ADCY2: variants seen among roughly 807,000 people sequenced by gnomAD.
ADCY2 encodes the protein adenylate cyclase 2, also known as adenylate cyclase type 2.
A neutral mutation model predicts 125.2 loss-of-function variants in ADCY2; 31 were observed. The observed-to-expected ratio is 0.25, with a 90% CI of 0.19 to 0.33. ADCY2 has a LOEUF of 0.33. Among genes scored for constraint, ADCY2 ranks in the 10% least tolerant of loss-of-function variants. The probability of loss-of-function intolerance (pLI) is 1.00; values close to 1 mark genes in which losing one functional copy is unlikely to be tolerated. For missense variants in ADCY2, 904 were observed against 1,418.2 expected (o/e 0.64, Z 5.82); for synonymous variants, 512 against 548.4 (o/e 0.93, Z 0.93).
chr5:7,420,014 G>A (rs530121326), intron 2 of ADCY2, among the ~76,000 whole-genome samples: 1 of 152,304 alleles, frequency 6.6e-6, no homozygotes, highest in East Asian at 1.9e-4. Context: ...CCTGAGGCTG[G>A]CTCTCAGCCA....
At chr5:7,486,365 T>A (rs1309369362) in intron 2 of ADCY2, among the ~76,000 whole-genome samples, 1 of 152,140 alleles carries the variant, frequency 6.6e-6, no homozygotes, top group Non-Finnish European at 1.5e-5. Flanking sequence ...TCTAGTTGAG[T>A]CTTCTGGCAC....
intron 3 of ADCY2, among the ~76,000 whole-genome samples, chr5:7,587,076 G>A (rs915897986): frequency 1.3e-5 from 2 of 152,156 alleles, no homozygotes; most frequent in Non-Finnish European, 1.5e-5. Context: ...TTTGAAGAGA[G>A]TGTCTAGAGT....
chr5:7,560,075 A>G (rs886101548), intron 3 of ADCY2, among the ~76,000 whole-genome samples: 4 of 152,252 alleles, frequency 2.6e-5, no homozygotes. Flanking sequence ...GATGCCATGA[A>G]CTAGACATAT....
intron 2 of ADCY2, among the ~76,000 whole-genome samples, chr5:7,440,735 G>A (rs1380690815): frequency 1.3e-5 from 2 of 152,166 alleles, no homozygotes; most frequent in African/African-American, 4.8e-5. Flanking sequence ...AGCAGCAGAT[G>A]ATTTTCAAAA....
intron 7 of ADCY2, among the ~76,000 whole-genome samples, chr5:7,699,490 A>G (rs1490508907): frequency 6.6e-6 from 1 of 152,124 alleles, no homozygotes; most frequent in African/African-American, 2.4e-5. Context: ...TAAATACATT[A>G]TTGTGCATTT....
intron 2 of ADCY2, among the ~76,000 whole-genome samples, chr5:7,418,093 C>T (rs758332539): frequency 3.3e-5 from 5 of 152,148 alleles, no homozygotes; most frequent in Non-Finnish European, 7.4e-5. Context: ...GTCATTTTCT[C>T]AAGACTGACT....
intron 2 of ADCY2, among the ~76,000 whole-genome samples, chr5:7,419,222 G>A (rs1579425384): frequency 6.6e-6 from 1 of 152,144 alleles, no homozygotes; most frequent in Non-Finnish European, 1.5e-5. Context: ...AAGCTGGGGG[G>A]TTTCCAGGAC....
At chr5:7,580,811 A>T (rs760419090) in intron 3 of ADCY2, among the ~76,000 whole-genome samples, 2 of 152,246 alleles carry the variant, frequency 1.3e-5, no homozygotes, top group Non-Finnish European at 2.9e-5. Context: ...ACCAAGAGAA[A>T]ATCTCAAAGA....
intron 4 of ADCY2, among the ~76,000 whole-genome samples, chr5:7,677,300 C>CA (rs1168713314): frequency 1.0e-3 from 156 of 151,216 alleles, no homozygotes; most frequent in African/African-American, 3.3e-3. Context: ...AACAAACAAA[C>CA]AAAAAAAAAG....
chr5:7,479,163 G>C (rs184796763), intron 2 of ADCY2, among the ~76,000 whole-genome samples: 2 of 152,020 alleles, frequency 1.3e-5, no homozygotes, highest in Non-Finnish European at 2.9e-5. Flanking sequence ...GCGTTTAGGG[G>C]TTAAAATCCA....
intron 19 of ADCY2, among the ~76,000 whole-genome samples, chr5:7,787,564 C>A (rs897183473): frequency 6.6e-6 from 1 of 152,178 alleles, no homozygotes; most frequent in Non-Finnish European, 1.5e-5. Context: ...GCCTTTCATA[C>A]AAGCTGCTAA....
chr5:7,724,689 G>GT (rs977038414), intron 13 of ADCY2, 75 bp downstream of exon 13: 52 of 1,124,412 alleles, frequency 4.6e-5, no homozygotes, highest in Admixed American at 1.4e-4. Flanking sequence ...TTGTGCTCAT[G>GT]TTTTTTATAT....
At chr5:7,501,249 A>G (rs946860317) in intron 2 of ADCY2, among the ~76,000 whole-genome samples, 1 of 152,164 alleles carries the variant, frequency 6.6e-6, no homozygotes, top group Non-Finnish European at 1.5e-5. Context: ...AGCAAGAGGA[A>G]TACAGAAGCC....
rs745728249 is a variant in ADCY2, at chr5:7,626,331, A to G, written c.720+15A>G. The stretch of plus-strand genomic sequence containing the variant: ...AACGTCAACAGGTAATGGATGTTTC[A>G]TCTTACATCCACATTATTTTAGTCA... On this transcript the variant is annotated intron_variant, in intron 4 of 24. Transcript: ENST00000338316. The G allele has an allele frequency of 1.1e-5, 17 of 1,612,272 alleles. 1 individual carries two copies. The Admixed American group carries it at 2.2e-4, about 21-fold the overall frequency.
intron 12 of ADCY2, among the ~76,000 whole-genome samples, chr5:7,720,104 A>G (rs1236496295): frequency 6.6e-6 from 1 of 152,128 alleles, no homozygotes; most frequent in Non-Finnish European, 1.5e-5. Flanking sequence ...GCCATAGACC[A>G]CTGGGGTCAG....
At chr5:7,620,249 A>G (rs1398957941) in intron 3 of ADCY2, among the ~76,000 whole-genome samples, 1 of 152,230 alleles carries the variant, frequency 6.6e-6, no homozygotes, top group Non-Finnish European at 1.5e-5. Flanking sequence ...AATAATAATC[A>G]TGACCAACAG....
At chr5:7,561,588 A>G (rs180892230) in intron 3 of ADCY2, among the ~76,000 whole-genome samples, 2 of 138,514 alleles carry the variant, frequency 1.4e-5, no homozygotes, top group East Asian at 3.9e-4. Context: ...AAGACAAATA[A>G]TAAATATGTA....
At chr5:7,534,755 G>C (rs1238855845) in intron 3 of ADCY2, among the ~76,000 whole-genome samples, 2 of 152,224 alleles carry the variant, frequency 1.3e-5, no homozygotes, top group African/African-American at 4.8e-5. Context: ...ACGAGAAGCA[G>C]AGCTAAGGCA....
chr5:7,817,412 C>T (rs920617139), intron 23 of ADCY2, among the ~76,000 whole-genome samples: 2 of 152,128 alleles, frequency 1.3e-5, no homozygotes, highest in Non-Finnish European at 1.5e-5. Flanking sequence ...TTCCATCTTC[C>T]TGGGGCCACA....
Sources: gnomAD v4.1 joint callset for allele counts (sites outside exome capture counted in the v4.1 genomes callset) on GRCh38, gnomAD v4.1.1 for gene constraint, MANE v1.5 for transcripts, NCBI Gene and HGNC (gene_info 2026-07-23, HGNC 2026-07-21) for gene names.